CCDC85C: variants seen among roughly 807,000 people sequenced by gnomAD.
CCDC85C encodes the protein coiled-coil domain-containing protein 85C.
A neutral mutation model predicts 38.3 loss-of-function variants in CCDC85C; 18 were observed. That is an observed-to-expected ratio of 0.47 (90% CI 0.33 to 0.70). The LOEUF is 0.70. CCDC85C is among the 30% of genes least tolerant of loss of function. The pLI, the probability that CCDC85C is intolerant of heterozygous loss-of-function variation, is 0.03. For missense variants in CCDC85C, 566 were observed against 621.2 expected, an observed-to-expected ratio of 0.91 and a Z score of 0.94; for synonymous variants, 264 against 293.8, an observed-to-expected ratio of 0.90 and a Z score of 1.04.
At chr14:99,543,673 T>A (rs895120125) in intron 1 of CCDC85C, among the ~76,000 whole-genome samples, 3 of 151,454 alleles carry the variant, frequency 2.0e-5, no homozygotes, top group Admixed American at 1.3e-4. Flanking sequence ...GGCAGGGAGG[T>A]AGAGCCACAA....
At position 99,556,118 on chromosome 14, in the gene CCDC85C, A is replaced by C. The variant is rs117202196; in HGVS notation, c.794-20030T>G. 1.5e-3 allele frequency among the ~76,000 whole-genome samples: 228 copies of C among 152,378 alleles called. 2 individuals are homozygous for C. The East Asian group carries it at 0.028, about 19-fold the overall frequency. On this transcript the variant is annotated intron_variant, in intron 1 of 5. Transcript: ENST00000380243. ...GAGAATGGACCACATATGATCCTGC[A>C]TTAGAAAACAATCACTCAGGCCGGG...
chr14:99,515,637 C>G (rs1256954913), intron 5 of CCDC85C, among the ~76,000 whole-genome samples: 1 of 152,082 alleles, frequency 6.6e-6, no homozygotes, highest in Non-Finnish European at 1.5e-5. Flanking sequence ...CTCTCGCCCC[C>G]CCTTTAAGTC....
At position 99,533,777 on chromosome 14, in the gene CCDC85C, C is replaced by T. The variant is rs761052385; in HGVS notation, c.867+2238G>A. 4.6e-5 allele frequency among the ~76,000 whole-genome samples: 7 copies of T among 152,234 alleles called. No homozygotes were observed. Among genetic ancestry groups the T allele is most frequent in the Non-Finnish European group, 7.3e-5 (5 of 68,038 alleles). On this transcript the variant is annotated intron_variant, in intron 2 of 5. Transcript: ENST00000380243. The surrounding 1 kb of genome is among the most constrained non-coding windows in gnomAD (Gnocchi z 4.2). ...CAAGGCTGAAGCTCCCATCTACCTC[C>T]ACCTGTGCACAGGTGGGTGCAGGGC...
intron 1 of CCDC85C, among the ~76,000 whole-genome samples, chr14:99,589,871 G>A (rs12897979): frequency 0.38 from 57,197 of 152,128 alleles, 10,816 homozygotes; most frequent in South Asian, 0.5. Context: ...CAGGGGTTCC[G>A]AGAGCCCAAG....
At position 99,522,204 on chromosome 14, in the gene CCDC85C, C is replaced by G. The variant is rs1475770210; in HGVS notation, c.904G>C (p.Gly302Arg). 2 of 1,550,558 alleles carry G rather than the reference C, an allele frequency of 1.3e-6. No individual in the cohort carries two copies. The highest frequency in any genetic ancestry group is 4.9e-5 in the East Asian group (2 of 40,900). Reference protein sequence around the residue: ...GSGEFRTLRKGFSPYHSESQL... With the variant: ...GSGEFRTLRKRFSPYHSESQL... ...GACTCCGAGTGGTAGGGCGAGAAGCCTTTCCGCAGCGTGCGGAACTCTCCG... is the reference window on the plus strand; with the variant it reads ...GACTCCGAGTGGTAGGGCGAGAAGCGTTTCCGCAGCGTGCGGAACTCTCCG... Residue 302 changes from glycine (G) to arginine (R), a missense_variant, in exon 3 of 6, where the codon GGC becomes CGC. By Grantham distance (125) the Gly-to-Arg change is moderately radical. Around this residue, in one of 3 missense-constraint regions of CCDC85C, gnomAD observed 286 missense variants for 276.4 expected, o/e 1.03. Transcript: ENST00000380243.
intron 1 of CCDC85C, among the ~76,000 whole-genome samples, chr14:99,543,082 T>A (rs952549512): frequency 6.6e-6 from 1 of 152,182 alleles, no homozygotes; most frequent in Non-Finnish European, 1.5e-5. Context: ...ATCGATTTCA[T>A]CACAGTCCAG....
chr14:99,553,117 C>T (rs146513472), intron 1 of CCDC85C, among the ~76,000 whole-genome samples: 3 of 152,296 alleles, frequency 2.0e-5, no homozygotes, highest in East Asian at 3.9e-4. Flanking sequence ...TGTGTGACCT[C>T]GCACCAGTGA....
intron 1 of CCDC85C, among the ~76,000 whole-genome samples, chr14:99,557,276 C>A (rs1303429774): frequency 6.6e-6 from 1 of 152,202 alleles, no homozygotes; most frequent in Admixed American, 6.5e-5. Flanking sequence ...AAGGCCCAGG[C>A]TCTAATTCAC....
At chr14:99,571,706 T>C (rs576703508) in intron 1 of CCDC85C, among the ~76,000 whole-genome samples, 65 of 152,344 alleles carry the variant, frequency 4.3e-4, no homozygotes, top group Non-Finnish European at 7.2e-4. Flanking sequence ...AAAAAGTGGC[T>C]GGGAAATGGA....
chr14:99,505,898 T>C lies in CCDC85C; in HGVS notation c.*9348A>G, dbSNP rs1458362006. 3 of 152,286 alleles carry C rather than the reference T, an allele frequency of 2.0e-5. No individual in the cohort carries two copies. The highest frequency in any genetic ancestry group is 4.4e-5 in the Non-Finnish European group (3 of 68,080). The allele number at this position is 152,286 out of a possible 1,614,324, so 9.4% of individuals were successfully genotyped here. ...CCTGGAAAGTTTAAAATTGTAGATA[T>C]GTGGCTCTCAGTTATATTGCTGTTG... On this transcript the variant is annotated 3_prime_UTR_variant, in exon 6 of 6. Transcript: ENST00000380243.
intron 1 of CCDC85C, among the ~76,000 whole-genome samples, chr14:99,554,524 A>C (rs147122981): frequency 4.4e-4 from 67 of 152,272 alleles, no homozygotes; most frequent in African/African-American, 1.3e-3. Flanking sequence ...GGCAGCCCGC[A>C]CATCACTGCA....
intron 1 of CCDC85C, among the ~76,000 whole-genome samples, chr14:99,599,827 A>G (rs915456023): frequency 1.3e-5 from 2 of 152,216 alleles, no homozygotes; most frequent in African/African-American, 4.8e-5. Context: ...GCGAGCCATG[A>G]TGGTGCCATT....
At chr14:99,566,646 T>C (rs1441175214) in intron 1 of CCDC85C, among the ~76,000 whole-genome samples, 1 of 152,136 alleles carries the variant, frequency 6.6e-6, no homozygotes, top group Non-Finnish European at 1.5e-5. Context: ...ATGGAATCAG[T>C]GTCTGGGCAG....
Position 99,572,464 on chromosome 14 carries a change from A to G in CCDC85C, c.793+30703T>C, listed in dbSNP as rs1898371624. ...AGGGAAGCCAGAGGGCCTCACAAGT[A>G]TAAATGATCAGGTATCACACCTCCG... is the stretch of plus-strand genomic sequence containing the variant. On this transcript the variant is annotated intron_variant, in intron 1 of 5. Transcript: ENST00000380243. The surrounding 1 kb of genome is among the most constrained non-coding windows in gnomAD (Gnocchi z 4.4). Among the ~76,000 whole-genome samples, 1 of 151,756 alleles carries G rather than the reference A, an allele frequency of 6.6e-6. No individual in the cohort carries two copies. The highest frequency in any genetic ancestry group is 6.6e-5 in the Admixed American group (1 of 15,228).
intron 3 of CCDC85C, among the ~76,000 whole-genome samples, chr14:99,519,291 T>TC (rs1897272498): frequency 6.7e-6 from 1 of 149,468 alleles, no homozygotes; most frequent in Non-Finnish European, 1.5e-5. Context: ...TTTTTTTTTT[T>TC]TTTTTGGTAG....
intron 2 of CCDC85C, among the ~76,000 whole-genome samples, chr14:99,527,956 G>A (rs907446876): frequency 1.3e-5 from 2 of 152,204 alleles, no homozygotes; most frequent in Non-Finnish European, 1.5e-5. Flanking sequence ...GAGAGCCCTC[G>A]GGGGCGGTCG....
chr14:99,545,796 T>A lies in CCDC85C; in HGVS notation c.794-9708A>T, dbSNP rs888921548. On this transcript the variant is annotated intron_variant, in intron 1 of 5. Coordinates refer to ENST00000380243, the MANE Select transcript of CCDC85C (RefSeq NM_001144995.2). This position sits in a 1 kb window ranked among gnomAD's most constrained non-coding sequence, Gnocchi z 4.7. The stretch of plus-strand genomic sequence containing the variant: ...CTGGCTCCTTGGAGAGCTTTTAAAA[T>A]CTGATCTCTTCCCCTGAGACTAACT... Among the ~76,000 whole-genome samples the A allele has an allele frequency of 2.6e-5, 4 of 152,068 alleles. No individual in the cohort carries two copies. The highest frequency in any genetic ancestry group is 5.9e-5 in the Non-Finnish European group (4 of 68,012).
chr14:99,545,875 G>A lies in CCDC85C; in HGVS notation c.794-9787C>T, dbSNP rs1202380643. Among the ~76,000 whole-genome samples the A allele has an allele frequency of 6.6e-6, 1 of 152,034 alleles. No homozygotes were observed. Among genetic ancestry groups the A allele is most frequent in the Non-Finnish European group, 1.5e-5 (1 of 68,016 alleles). On this transcript the variant is annotated intron_variant, in intron 1 of 5. Coordinates refer to ENST00000380243, the MANE Select transcript of CCDC85C (RefSeq NM_001144995.2). This position sits in a 1 kb window ranked among gnomAD's most constrained non-coding sequence, Gnocchi z 4.7. ...CAGTTTGCATTTTAAACGCCCTGTG[G>A]GTGATTCTAACATGCAGCTCTGTGG...
At position 99,603,878 on chromosome 14, in the gene CCDC85C, T is replaced by C; in HGVS notation, c.82A>G (p.Lys28Glu). The change falls in exon 1 of 6, where the codon AAG becomes GAG. Residue 28 changes from lysine (K) to glutamate (E), a missense_variant. Physicochemically the swap from Lys to Glu is moderately conservative, Grantham distance 56 (BLOSUM62 1). Around this residue, in one of 3 missense-constraint regions of CCDC85C, gnomAD observed 269 missense variants for 308.2 expected, o/e 0.87. Coordinates refer to ENST00000380243, the MANE Select transcript of CCDC85C (RefSeq NM_001144995.2). This position sits in a 1 kb window ranked among gnomAD's most constrained non-coding sequence, Gnocchi z 7.5. ...VPDEELLRWS[K>E]EELARRLRRA... ...CGCAGCCGCCGCGCCAGCTCCTCCT[T>C]GCTCCAGCGCAGCAGCTCCTCGTCC... 1 of 1,512,346 alleles carries C rather than the reference T, an allele frequency of 6.6e-7. No homozygotes were observed. The highest frequency in any genetic ancestry group is 8.8e-7 in the Non-Finnish European group (1 of 1,136,652). 93.7% of individuals were successfully genotyped at this position (1,512,346 alleles called of 1,614,324 possible). A position where few individuals can be genotyped will look rare whatever the true frequency, so the allele number is the denominator to read the frequency against.
Sources: gnomAD v4.1 joint callset for allele counts (sites outside exome capture counted in the v4.1 genomes callset) on GRCh38, gnomAD v4.1.1 for gene constraint, gnomAD v4.1.1 regional missense constraint, Gnocchi (gnomAD v3.1) non-coding constraint, MANE v1.5 for transcripts, NCBI Gene and HGNC (gene_info 2026-07-23, HGNC 2026-07-21) for gene names.